The following DDX60 variants were observed in gnomAD, a reference collection of about 807,000 sequenced individuals.
DDX60 encodes DExD/H-box helicase 60.
In DDX60, 165 loss-of-function variants were observed where a neutral mutation model predicts 212.8. The observed-to-expected ratio is 0.78, with a 90% confidence interval of 0.68 to 0.88. DDX60 has a LOEUF of 0.88. DDX60 is among the 40% of genes least tolerant of loss of function. DDX60 has a pLI of 0.00. For missense variants in DDX60, 1,905 were observed against 2,003.9 expected, an observed-to-expected ratio of 0.95 and a Z score of 0.94; for synonymous variants, 703 against 685.3, an observed-to-expected ratio of 1.03 and a Z score of -0.40.
In DDX60 at chr4:168,223,950, G is replaced by A. The variant is rs530547944; in HGVS notation, c.4824+293C>T. On this transcript the variant is annotated intron_variant, in intron 35 of 37. Transcript: ENST00000393743. ...GCAGTACTGAGAAAGTCTGAAGACA[G>A]TTTTATGTGCTACTTCCACAGAAAA... is the stretch of plus-strand genomic sequence containing the variant. Among the ~76,000 whole-genome samples the A allele has an allele frequency of 2.4e-3, 358 of 152,134 alleles. 1 individual carries two copies. The highest frequency in any genetic ancestry group is 3.9e-3 in the Non-Finnish European group (265 of 67,916).
rs369887372 is a variant in DDX60 at position 168,250,493 on chromosome 4, T to C, written c.3858+461A>G. 3.0e-3 allele frequency among the ~76,000 whole-genome samples: 448 copies of C among 151,690 alleles called. 4 individuals are homozygous for C. The highest frequency in any genetic ancestry group is 0.01 in the African/African-American group (424 of 41,370). The stretch of plus-strand genomic sequence containing the variant: ...AACTGAGTAGTACATTTCAATCCCC[T>C]TTTCAATTAAATAAGACAGAGGATA... On this transcript the variant is annotated intron_variant, in intron 28 of 37. Coordinates refer to ENST00000393743, the MANE Select transcript of DDX60 (RefSeq NM_017631.6).
chr4:168,286,558 G>A (rs1026161756), intron 10 of DDX60, among the ~76,000 whole-genome samples: 7 of 151,910 alleles, frequency 4.6e-5, no homozygotes, highest in Admixed American at 3.9e-4. Flanking sequence ...CTCTGCCTGG[G>A]ATCCTCCTAG....
intron 30 of DDX60, 107 bp downstream of exon 30, chr4:168,246,311 T>C (rs917429976): frequency 4.7e-6 from 6 of 1,274,224 alleles, no homozygotes; most frequent in African/African-American, 3.0e-5. Flanking sequence ...ATTAAAAGAC[T>C]GATGAAACTC....
chr4:168,324,910 G>T, the DDX60 span, among the ~76,000 whole-genome samples: 2 of 152,228 alleles, frequency 1.3e-5, no homozygotes, highest in African/African-American at 4.8e-5. Context: ...GAAGGCTGCT[G>T]AGGTATATCC....
rs561171269 is a variant in DDX60 at position 168,313,571 on chromosome 4, G to GA, written c.-106-2207dup. On this transcript the variant is annotated intron_variant, in intron 1 of 37. Transcript: ENST00000393743. Reference sequence around the variant, plus strand: ...CTCCAAATTGTACCAAGCTCAAATGGAAAAAAATGGGTCAGTGAGAACTGA... The same window carrying GA: ...CTCCAAATTGTACCAAGCTCAAATGGAAAAAAAATGGGTCAGTGAGAACTGA... 2.6e-3 allele frequency among the ~76,000 whole-genome samples: 398 copies of GA among 152,112 alleles called. 1 individual carries two copies. The highest frequency in any genetic ancestry group is 7.2e-3 in the African/African-American group (301 of 41,518).
In DDX60 at chr4:168,297,349, A is replaced by G. The variant is rs539285766; in HGVS notation, c.724-3404T>C. On this transcript the variant is annotated intron_variant, in intron 6 of 37. Coordinates refer to ENST00000393743, the MANE Select transcript of DDX60 (RefSeq NM_017631.6). ...AAGAAAGAAAGAAAGAAAGAAAGAAAGAAAGAAAGAAAGAAAGAAAGAAAG... is the reference window on the plus strand; with the variant it reads ...AAGAAAGAAAGAAAGAAAGAAAGAAGGAAAGAAAGAAAGAAAGAAAGAAAG... 4.5e-3 allele frequency among the ~76,000 whole-genome samples: 387 copies of G among 86,012 alleles called. 3 individuals carry two copies. Among genetic ancestry groups the G allele is most frequent in the Non-Finnish European group, 6.1e-3 (281 of 46,200 alleles). 56.4% of individuals were successfully genotyped at this position (86,012 alleles called of 152,430 possible).
intron 5 of DDX60, 71 bp from the exon 6 acceptor site, chr4:168,302,487 T>TTACA (rs1202436926): frequency 6.2e-6 from 4 of 642,320 alleles, no homozygotes; most frequent in Non-Finnish European, 9.6e-6. Context: ...CTATAGAAAA[T>TTACA]TACATATTTT....
At position 168,246,404 on chromosome 4, in the gene DDX60, G is replaced by C; in HGVS notation, c.4164+14C>G. On this transcript the variant is annotated intron_variant, in intron 30 of 37. Transcript: ENST00000393743. ...TGATGAAGACTGAACCTCAGGCAGT[G>C]TCCAGCACGGTACCTTTGCCTTGGC... The C allele has an allele frequency of 6.2e-7, 1 of 1,613,494 alleles. No individual in the cohort carries two copies. The highest frequency in any genetic ancestry group is 8.5e-7 in the Non-Finnish European group (1 of 1,179,832).
intron 25 of DDX60, among the ~76,000 whole-genome samples, chr4:168,256,188 C>T (rs1734405855): frequency 7.1e-6 from 1 of 141,268 alleles, no homozygotes; most frequent in Admixed American, 8.1e-5. Context: ...GTCAAATATT[C>T]CATAAGCAAG....
intron 31 of DDX60, 103 bp downstream of exon 31, chr4:168,237,588 A>G (rs927229327): frequency 8.6e-7 from 1 of 1,160,218 alleles, no homozygotes; most frequent in African/African-American, 1.6e-5. Flanking sequence ...AATAATATCA[A>G]TCATTGGATA....
At chr4:168,296,427 G>A (rs17611592) in intron 6 of DDX60, among the ~76,000 whole-genome samples, 4,654 of 152,014 alleles carry the variant, frequency 0.031, 98 homozygotes, top group Non-Finnish European at 0.048. Flanking sequence ...ATTAAGTGGC[G>A]AAAGAGTAAA....
At chr4:168,312,747 T>TAG (rs915120579) in intron 1 of DDX60, among the ~76,000 whole-genome samples, 13 of 144,424 alleles carry the variant, frequency 9.0e-5, no homozygotes, top group East Asian at 1.9e-4. Context: ...GATAGATAGA[T>TAG]ATGATAGAGA....
chr4:168,287,838 T>C (rs918839965), intron 9 of DDX60, among the ~76,000 whole-genome samples: 13 of 152,120 alleles, frequency 8.5e-5, no homozygotes, highest in Admixed American at 6.5e-5. Context: ...AATATCTCAA[T>C]AGTAGTGAAA....
intron 13 of DDX60, among the ~76,000 whole-genome samples, chr4:168,281,503 T>C (rs1735591481): frequency 6.6e-6 from 1 of 152,174 alleles, no homozygotes; most frequent in Non-Finnish European, 1.5e-5. Flanking sequence ...ATTTAGTCCA[T>C]AATGTTTGAT....
intron 1 of DDX60, among the ~76,000 whole-genome samples, chr4:168,313,796 CAAATT>C (rs1362127748): frequency 6.6e-6 from 1 of 152,092 alleles, no homozygotes; most frequent in Admixed American, 6.6e-5. Flanking sequence ...TAGATACAAA[CAAATT>C]AATAACTATT....
rs368296412 is a variant in DDX60, at chr4:168,281,569, A to G, written c.1723-979T>C. On this transcript the variant is annotated intron_variant, in intron 13 of 37. Transcript: ENST00000393743. ...TAGATAAGAGGAACAACACAAATACAACTGATTTGCTCTTCCTCAATAAGC... is the reference window on the plus strand; with the variant it reads ...TAGATAAGAGGAACAACACAAATACGACTGATTTGCTCTTCCTCAATAAGC... Among the ~76,000 whole-genome samples, 8 of 152,328 alleles carry G rather than the reference A, an allele frequency of 5.3e-5. No homozygotes were observed. The South Asian group carries it at 1.4e-3, about 28-fold the overall frequency.
intron 30 of DDX60, among the ~76,000 whole-genome samples, chr4:168,239,997 A>T (rs930581515): frequency 6.6e-6 from 1 of 152,210 alleles, no homozygotes; most frequent in Non-Finnish European, 1.5e-5. Flanking sequence ...AGAAAAAGAA[A>T]TAAAGGATAT....
chr4:168,317,185 G>A (rs1579095852), intron 1 of DDX60, among the ~76,000 whole-genome samples: 1 of 151,518 alleles, frequency 6.6e-6, no homozygotes, highest in African/African-American at 2.4e-5. Flanking sequence ...ACACCACAGG[G>A]ATTAGGACAC....
intron 6 of DDX60, among the ~76,000 whole-genome samples, chr4:168,297,606 T>C (rs901999600): frequency 1.3e-5 from 2 of 152,124 alleles, no homozygotes; most frequent in Admixed American, 1.3e-4. Context: ...GAAAAATATT[T>C]GTATCATTGC....
Sources: gnomAD v4.1 joint callset for allele counts (sites outside exome capture counted in the v4.1 genomes callset) on GRCh38, gnomAD v4.1.1 for gene constraint, MANE v1.5 for transcripts, NCBI Gene and HGNC (gene_info 2026-07-23, HGNC 2026-07-21) for gene names.